The following OGT variants were observed in gnomAD, a reference collection of about 807,000 sequenced individuals.
OGT encodes O-linked N-acetylglucosamine (GlcNAc) transferase, also known as UDP-N-acetylglucosamine--peptide N-acetylglucosaminyltransferase 110 kDa subunit.
Under a neutral mutation model 75.8 loss-of-function variants are expected in OGT, and 3 were observed. The observed-to-expected ratio is 0.04, with a 90% CI of 0.02 to 0.10. The LOEUF (loss-of-function observed/expected upper bound fraction) is 0.10, where lower values mean the gene tolerates loss of function less well. Ranked by LOEUF, OGT falls within the 10% of genes least tolerant of loss-of-function variation. The pLI is 1.00. For missense variants in OGT, 260 were observed against 824.4 expected, an observed-to-expected ratio of 0.32 and a Z score of 8.38; for synonymous variants, 257 against 289.7, an observed-to-expected ratio of 0.89 and a Z score of 1.15.
chrX:71,535,125 GTT>G lies in OGT; in HGVS notation c.38-1036_38-1035del, dbSNP rs762135465. Among the ~76,000 whole-genome samples, 766 of 88,197 alleles carry G rather than the reference GTT, an allele frequency of 8.7e-3. 9 individuals carry two copies. Among genetic ancestry groups the G allele is most frequent in the African/African-American group, 0.03 (725 of 24,348 alleles). 76.6% of individuals were successfully genotyped at this position (88,197 alleles called of 115,157 possible). ...TAAGTATTTACAGTTGTGACAAGCA[GTT>G]TTTTTTTTTTTTTTTTCCCTCTCTG... On this transcript the variant is annotated intron_variant, in intron 1 of 21. Coordinates refer to ENST00000373719, the MANE Select transcript of OGT (RefSeq NM_181672.3).
chrX:71,574,116 G>A lies in OGT; in HGVS notation c.*322G>A, dbSNP rs1485081236. 1 of 146,506 alleles carries A rather than the reference G, an allele frequency of 6.8e-6. No individual in the cohort carries two copies. The highest frequency in any genetic ancestry group is 3.1e-5 in the African/African-American group (1 of 32,116). The allele number at this position is 146,506 out of a possible 1,213,427, so 12.1% of individuals were successfully genotyped here. A position where few individuals can be genotyped will look rare whatever the true frequency, so the allele number is the denominator to read the frequency against. On this transcript the variant is annotated 3_prime_UTR_variant, in exon 22 of 22. Transcript: ENST00000373719. ...GAGATATAGATTGTCCGGCCGCTTTGTGATTCCATGGATTGATTCAGTCTT... is the reference window on the plus strand; with the variant it reads ...GAGATATAGATTGTCCGGCCGCTTTATGATTCCATGGATTGATTCAGTCTT...
chrX:71,552,637 G>C (rs996015830), intron 5 of OGT, among the ~76,000 whole-genome samples: 1 of 110,233 alleles, frequency 9.1e-6, no homozygotes, highest in Non-Finnish European at 1.9e-5. Context: ...TGCCTGCCTC[G>C]GCCTCTCAAA....
At chrX:71,568,736 G>A (rs1363912551) in intron 21 of OGT, among the ~76,000 whole-genome samples, 6 of 110,842 alleles carry the variant, frequency 5.4e-5, no homozygotes, top group African/African-American at 2.0e-4. Context: ...GCTGAGGCAG[G>A]AGAATCGCTT....
At chrX:71,554,675 A>C in intron 6 of OGT, 83 bp downstream of exon 6, 1 of 726,817 alleles carries the variant, frequency 1.4e-6, no homozygotes, top group Non-Finnish European at 2.1e-6. Flanking sequence ...TGATGACAAT[A>C]GTCCATTGAA....
At chrX:71,543,609 G>A (rs1368475842) in intron 3 of OGT, among the ~76,000 whole-genome samples, 2 of 109,615 alleles carry the variant, frequency 1.8e-5, no homozygotes, top group Non-Finnish European at 3.8e-5. Context: ...GACAGCCTAA[G>A]GGTAGGTTTG....
intron 3 of OGT, among the ~76,000 whole-genome samples, chrX:71,543,764 GTGTATATA>G (rs1169764133): frequency 4.9e-5 from 3 of 61,032 alleles, no homozygotes; most frequent in African/African-American, 2.3e-4. Flanking sequence ...GTGTGTGTGT[GTGTATATA>G]TATATATATA....
chrX:71,547,480 G>A, intron 4 of OGT: 1 of 770,920 alleles, frequency 1.3e-6, no homozygotes. Context: ...ACACCTCATA[G>A]AACACACTTT....
At chrX:71,573,512 G>C (rs2040471802) in intron 21 of OGT, 108 bp from the exon 22 acceptor site, 1 of 585,457 alleles carries the variant, frequency 1.7e-6, no homozygotes, top group Non-Finnish European at 2.7e-6. Context: ...AGATAGCGTA[G>C]AGTTTGGTCA....
chrX:71,539,006 A>G (rs970249322), intron 3 of OGT, among the ~76,000 whole-genome samples: 3 of 112,331 alleles, frequency 2.7e-5, no homozygotes, highest in Non-Finnish European at 3.8e-5. Flanking sequence ...TTAAAAAAAA[A>G]CCATGGACTC....
chrX:71,541,348 G>A (rs1050699494), intron 3 of OGT, among the ~76,000 whole-genome samples: 12 of 111,871 alleles, frequency 1.1e-4, no homozygotes, highest in African/African-American at 3.9e-4. Flanking sequence ...TGTATATTTC[G>A]ATTCTTCTCT....
At chrX:71,571,401 G>A (rs1481327443) in intron 21 of OGT, among the ~76,000 whole-genome samples, 3 of 111,837 alleles carry the variant, frequency 2.7e-5, no homozygotes, top group African/African-American at 9.8e-5. Context: ...CTGGAGTTCA[G>A]TACACATATA....
At chrX:71,535,681 A>G (rs2040170583) in intron 1 of OGT, among the ~76,000 whole-genome samples, 1 of 111,990 alleles carries the variant, frequency 8.9e-6, no homozygotes. Context: ...ACTGAGGTTA[A>G]GATTGATAGA....
intron 12 of OGT, among the ~76,000 whole-genome samples, chrX:71,558,240 C>T (rs1163150300): frequency 1.8e-5 from 2 of 110,492 alleles, no homozygotes; most frequent in Non-Finnish European, 3.8e-5. Flanking sequence ...TGTGAGCCAC[C>T]GCGCCTGGCC....
Position 71,547,728 on chromosome X carries a change from G to A in OGT, c.532-179G>A, listed in dbSNP as rs1212730256. ...CGCAGGAGCAGCCAGCTGTGGCAGCGCATTAGTTTTGGCGCAAGCGAGCCT... is the reference window on the plus strand; with the variant it reads ...CGCAGGAGCAGCCAGCTGTGGCAGCACATTAGTTTTGGCGCAAGCGAGCCT... On this transcript the variant is annotated intron_variant, in intron 4 of 21. Transcript: ENST00000373719. 9 of 1,078,760 alleles carry A rather than the reference G, an allele frequency of 8.3e-6. No homozygotes were observed. In the African/African-American group the frequency reaches 1.7e-4, roughly 20 times the overall value. The allele number at this position is 1,078,760 out of a possible 1,213,427, so 88.9% of individuals were successfully genotyped here.
chrX:71,539,798 C>G (rs766986977), intron 3 of OGT, among the ~76,000 whole-genome samples: 28 of 111,854 alleles, frequency 2.5e-4, no homozygotes, highest in Admixed American at 2.5e-3. Flanking sequence ...TGATTCTACT[C>G]TTATTGATAG....
intron 3 of OGT, among the ~76,000 whole-genome samples, chrX:71,543,379 G>A (rs1270776885): frequency 9.0e-6 from 1 of 111,454 alleles, no homozygotes; most frequent in Non-Finnish European, 1.9e-5. Flanking sequence ...GTTGTGATGA[G>A]TGTCTCATCC....
intron 5 of OGT, among the ~76,000 whole-genome samples, chrX:71,549,000 C>G (rs1025770399): frequency 9.0e-6 from 1 of 110,799 alleles, no homozygotes; most frequent in Non-Finnish European, 1.9e-5. Flanking sequence ...GTGTTCTGAG[C>G]ATGTTTAAAA....
chrX:71,549,443 C>T (rs1407349796), intron 5 of OGT, among the ~76,000 whole-genome samples: 4 of 110,260 alleles, frequency 3.6e-5, no homozygotes, highest in Non-Finnish European at 5.7e-5. Flanking sequence ...ATCTTTATTG[C>T]AGCATTTGCT....
chrX:71,557,322 G>A (rs773848888), intron 11 of OGT, 26 bp downstream of exon 11: 9 of 1,124,887 alleles, frequency 8.0e-6, no homozygotes, highest in Middle Eastern at 2.9e-4. Flanking sequence ...CCAGTAATTG[G>A]CTCTCAGTGT....
Sources: gnomAD v4.1 joint callset for allele counts (sites outside exome capture counted in the v4.1 genomes callset) on GRCh38, gnomAD v4.1.1 for gene constraint, MANE v1.5 for transcripts, NCBI Gene and HGNC (gene_info 2026-07-23, HGNC 2026-07-21) for gene names.